The following TBL1XR1 variants were observed in gnomAD, a reference collection of about 807,000 sequenced individuals.
The protein encoded by TBL1XR1 is F-box-like/WD repeat-containing protein TBL1XR1.
In TBL1XR1, 5 loss-of-function variants were observed where a neutral mutation model predicts 66.9. That is an observed-to-expected ratio of 0.07 (90% CI 0.04 to 0.16). The LOEUF is 0.16. Ranked by LOEUF, TBL1XR1 falls within the 10% of genes least tolerant of loss-of-function variation. TBL1XR1 has a pLI of 1.00. For synonymous variants in TBL1XR1, 210 were observed against 206.0 expected (o/e 1.02, Z -0.17); for missense variants, 238 against 623.2 (o/e 0.38, Z 6.58).
chr3:177,140,609 A>G (rs755822984), intron 1 of TBL1XR1, among the ~76,000 whole-genome samples: 7 of 152,354 alleles, frequency 4.6e-5, no homozygotes, highest in African/African-American at 1.4e-4. Context: ...CACGACCTGG[A>G]AGAAACAGTG....
At chr3:177,069,798 AAGGAAGGAAGGAAGG>A (rs1190335241) in intron 2 of TBL1XR1, among the ~76,000 whole-genome samples, 8 of 65,050 alleles carry the variant, frequency 1.2e-4, no homozygotes, top group Non-Finnish European at 2.0e-4. Context: ...GAAGGAAAGG[AAGGAAGGAAGGAAGG>A]AAGGAAGGAA....
At chr3:177,069,962 C>A (rs1199367456) in intron 2 of TBL1XR1, among the ~76,000 whole-genome samples, 7 of 152,168 alleles carry the variant, frequency 4.6e-5, no homozygotes, top group Non-Finnish European at 1.0e-4. Flanking sequence ...GCCTGTATGT[C>A]AAATTCAACC....
chr3:177,083,002 TC>T (rs1165224723), intron 2 of TBL1XR1, among the ~76,000 whole-genome samples: 1 of 151,518 alleles, frequency 6.6e-6, no homozygotes, highest in Non-Finnish European at 1.5e-5. Context: ...TCGTGATCCA[TC>T]CGTCTCGGCC....
At chr3:177,026,303 C>T (rs1252298053) in intron 15 of TBL1XR1, 70 bp downstream of exon 15, 1 of 1,230,824 alleles carries the variant, frequency 8.1e-7, no homozygotes, top group African/African-American at 1.5e-5. Flanking sequence ...TTTGGTATCA[C>T]TAACAATAAG....
At chr3:177,060,860 C>T (rs1319422886) in intron 3 of TBL1XR1, among the ~76,000 whole-genome samples, 4 of 152,210 alleles carry the variant, frequency 2.6e-5, no homozygotes, top group African/African-American at 9.6e-5. Flanking sequence ...TGGGCAAACA[C>T]TAATTAAAGG....
chr3:177,040,346 G>A (rs1210063364), intron 10 of TBL1XR1, among the ~76,000 whole-genome samples: 3 of 152,038 alleles, frequency 2.0e-5, no homozygotes, highest in Non-Finnish European at 4.4e-5. Flanking sequence ...GTTTAGCTAT[G>A]TATACTAATT....
At chr3:177,112,875 T>G (rs1211268926) in intron 1 of TBL1XR1, among the ~76,000 whole-genome samples, 1 of 151,896 alleles carries the variant, frequency 6.6e-6, no homozygotes, top group Admixed American at 6.6e-5. Flanking sequence ...TGGTACCATG[T>G]GCCTGGAGTC....
intron 1 of TBL1XR1, chr3:177,131,332 A>G (rs574717847): frequency 1.0e-6 from 1 of 985,394 alleles, no homozygotes; most frequent in Non-Finnish European, 1.2e-6. Context: ...AAATAAAGAA[A>G]TAGCAAGATG....
chr3:177,194,740 C>A (rs1736609095), intron 1 of TBL1XR1, among the ~76,000 whole-genome samples: 1 of 152,158 alleles, frequency 6.6e-6, no homozygotes, highest in Admixed American at 6.6e-5. Flanking sequence ...GAAGCAGTTA[C>A]CTCTAATTCT....
Position 177,050,629 on chromosome 3 carries a change from G to A in TBL1XR1, c.428-19C>T, listed in dbSNP as rs553582190. 12 of 1,613,202 alleles carry A rather than the reference G, an allele frequency of 7.4e-6. No individual in the cohort carries two copies. The highest frequency in any genetic ancestry group is 1.7e-4 in the Middle Eastern group (1 of 6,056). On this transcript the variant is annotated intron_variant, in intron 5 of 15. Transcript: ENST00000457928. Reference sequence around the variant, plus strand: ...TGATTATCTGCATCGTGAAACACAAGTAAGCATTTCCAGTTAGGCAGTATT... The same window carrying A: ...TGATTATCTGCATCGTGAAACACAAATAAGCATTTCCAGTTAGGCAGTATT...
intron 1 of TBL1XR1, among the ~76,000 whole-genome samples, chr3:177,177,373 C>G (rs1039656978): frequency 5.9e-5 from 9 of 151,820 alleles, no homozygotes; most frequent in Non-Finnish European, 1.3e-4. Context: ...TCACTCGAAC[C>G]CAGGAGGCAG....
intron 2 of TBL1XR1, among the ~76,000 whole-genome samples, chr3:177,088,005 T>C (rs1348689816): frequency 1.3e-5 from 2 of 152,164 alleles, no homozygotes; most frequent in African/African-American, 4.8e-5. Flanking sequence ...CCCTCTATTG[T>C]GGGTATATGT....
intron 1 of TBL1XR1, among the ~76,000 whole-genome samples, chr3:177,158,740 G>T (rs977412333): frequency 5.9e-5 from 9 of 152,098 alleles, no homozygotes; most frequent in African/African-American, 1.9e-4. Flanking sequence ...GCGCTTTAGG[G>T]ATTCTGTTTG....
Position 177,098,523 on chromosome 3 carries a change from C to G in TBL1XR1, c.-103G>C. ...CTGAATATCCGGTCACCGCCAATCACAAGTTGCTGTTGTTGATGCTGAGGA... is the reference window on the plus strand; with the variant it reads ...CTGAATATCCGGTCACCGCCAATCAGAAGTTGCTGTTGTTGATGCTGAGGA... On this transcript the variant is annotated 5_prime_UTR_variant, in exon 2 of 16. Coordinates refer to ENST00000457928, the MANE Select transcript of TBL1XR1 (RefSeq NM_024665.7). 1 of 985,850 alleles carries G rather than the reference C, an allele frequency of 1.0e-6. No homozygotes were observed. The highest frequency in any genetic ancestry group is 1.2e-6 in the Non-Finnish European group (1 of 829,930). 61.1% of individuals were successfully genotyped at this position (985,850 alleles called of 1,614,324 possible).
At chr3:177,126,683 T>C (rs1727669713) in intron 1 of TBL1XR1, among the ~76,000 whole-genome samples, 1 of 152,204 alleles carries the variant, frequency 6.6e-6, no homozygotes, top group South Asian at 2.1e-4. Flanking sequence ...CTAAGTTCCA[T>C]GGTAGCCTAC....
At chr3:177,044,242 T>C (rs539479826) in intron 10 of TBL1XR1, among the ~76,000 whole-genome samples, 34 of 152,306 alleles carry the variant, frequency 2.2e-4, no homozygotes, top group African/African-American at 7.0e-4. Context: ...ACTTAGCTTT[T>C]TGAACATATG....
chr3:177,041,250 C>G (rs1191268435), intron 10 of TBL1XR1: 1 of 152,428 alleles, frequency 6.6e-6, no homozygotes. Context: ...ACAGAACTGC[C>G]TTGCTCTGCT....
At chr3:177,048,964 G>C (rs1716683176) in intron 7 of TBL1XR1, among the ~76,000 whole-genome samples, 1 of 152,148 alleles carries the variant, frequency 6.6e-6, no homozygotes, top group African/African-American at 2.4e-5. Flanking sequence ...CCCATATTAA[G>C]AAAATAATTC....
At chr3:177,071,938 A>T (rs1720068621) in intron 2 of TBL1XR1, among the ~76,000 whole-genome samples, 1 of 152,174 alleles carries the variant, frequency 6.6e-6, no homozygotes, top group South Asian at 2.1e-4. Flanking sequence ...AAAACAGGCA[A>T]ACAAAAAAGC....
Sources: gnomAD v4.1 joint callset for allele counts (sites outside exome capture counted in the v4.1 genomes callset) on GRCh38, gnomAD v4.1.1 for gene constraint, MANE v1.5 for transcripts, NCBI Gene and HGNC (gene_info 2026-07-23, HGNC 2026-07-21) for gene names.